Variants in GSE1 observed in about 807,000 individuals in gnomAD.
GSE1 encodes Gse1 coiled-coil protein.
A neutral mutation model predicts 112.6 loss-of-function variants in GSE1; 32 were observed. The observed-to-expected ratio is 0.28, with a 90% CI of 0.21 to 0.38. GSE1 has a LOEUF of 0.38. Ranked by LOEUF, GSE1 falls within the 10% of genes least tolerant of loss-of-function variation. GSE1 has a pLI of 1.00. For synonymous variants in GSE1, 1,115 were observed against 735.6 expected (o/e 1.52, Z -8.35); for missense variants, 2,348 against 1,699.2 (o/e 1.38, Z -6.71).
intron 1 of GSE1, among the ~76,000 whole-genome samples, chr16:85,237,462 C>G (rs1362124957): frequency 1.3e-5 from 2 of 152,086 alleles, no homozygotes; most frequent in Non-Finnish European, 2.9e-5. Context: ...GGGCTACAGT[C>G]CTGGGAGGGA....
Position 85,170,295 on chromosome 16 carries a change from G to C in GSE1, c.771G>C (p.Lys257Asn), listed in dbSNP as rs1002067511. 10 of 985,496 alleles carry C rather than the reference G, an allele frequency of 1.0e-5. No homozygotes were observed. The African/African-American group carries it at 1.7e-4, about 17-fold the overall frequency. 61.0% of individuals were successfully genotyped at this position (985,496 alleles called of 1,614,324 possible). A position where few individuals can be genotyped will look rare whatever the true frequency, so the allele number is the denominator to read the frequency against. ...AGTCCGGGGTTAGGCGCCGGCGGAA[G>C]GGGGTTGGGAGGCACTGGGTTCCCG... Residue 257 changes from lysine to asparagine, a missense_variant, in exon 1 of 3, where the codon AAG becomes AAC. Coordinates refer to the GSE1 transcript ENST00000637419.
chr16:85,644,114 G>T (rs1375343669), intron 2 of GSE1, among the ~76,000 whole-genome samples: 1 of 151,974 alleles, frequency 6.6e-6, no homozygotes, highest in Non-Finnish European at 1.5e-5. Context: ...GATCGCTTGA[G>T]CCCAGGAGTT....
At chr16:85,382,759 ACATGTATGCACACC>A (rs2047577145) in intron 2 of GSE1, among the ~76,000 whole-genome samples, 1 of 151,688 alleles carries the variant, frequency 6.6e-6, no homozygotes, top group Non-Finnish European at 1.5e-5. Flanking sequence ...ATGTGCACAC[ACATGTATGCACACC>A]CATGCATGCA....
At chr16:85,665,547 C>G (rs2052775051) in intron 12 of GSE1, among the ~76,000 whole-genome samples, 1 of 152,022 alleles carries the variant, frequency 6.6e-6, no homozygotes, top group Non-Finnish European at 1.5e-5. Flanking sequence ...CTTCCTCACT[C>G]TGCCCTCTGG....
intron 1 of GSE1, among the ~76,000 whole-genome samples, chr16:85,207,273 C>G (rs2075135230): frequency 6.6e-6 from 1 of 152,246 alleles, no homozygotes; most frequent in African/African-American, 2.4e-5. Context: ...GCCCCTCACT[C>G]AGGCTCCGCT....
chr16:85,614,489 G>A (rs1451763585), intron 1 of GSE1, among the ~76,000 whole-genome samples: 1 of 152,192 alleles, frequency 6.6e-6, no homozygotes, highest in Non-Finnish European at 1.5e-5. Context: ...GAGACTCGAG[G>A]CGCAGGCCAT....
At chr16:85,453,990 G>T (rs1273072059) in intron 2 of GSE1, among the ~76,000 whole-genome samples, 1 of 152,150 alleles carries the variant, frequency 6.6e-6, no homozygotes, top group African/African-American at 2.4e-5. Context: ...CCAGGAAGGA[G>T]ACTTGGGGGC....
At chr16:85,254,768 G>A (rs1310145615) in intron 1 of GSE1, among the ~76,000 whole-genome samples, 5 of 152,224 alleles carry the variant, frequency 3.3e-5, no homozygotes, top group Non-Finnish European at 7.3e-5. Flanking sequence ...AGGGAAGGAC[G>A]CAGGCAGAGG....
chr16:85,261,426 A>C (rs144056238), intron 1 of GSE1, among the ~76,000 whole-genome samples: 4 of 152,372 alleles, frequency 2.6e-5, no homozygotes, highest in African/African-American at 9.6e-5. Flanking sequence ...GCAAGGGCTC[A>C]GCCAGGTAGG....
chr16:85,260,715 C>T (rs941088659), intron 1 of GSE1, among the ~76,000 whole-genome samples: 13 of 152,264 alleles, frequency 8.5e-5, no homozygotes, highest in African/African-American at 2.9e-4. Flanking sequence ...GCCCCCCGTG[C>T]TCCCTACTCC....
At chr16:85,195,097 C>T (rs540551720) in intron 1 of GSE1, among the ~76,000 whole-genome samples, 6 of 152,144 alleles carry the variant, frequency 3.9e-5, no homozygotes, top group Non-Finnish European at 5.9e-5. Context: ...CCTCTGCCTA[C>T]GTGTGAGGGG....
chr16:85,378,840 G>A (rs539682036), intron 2 of GSE1, among the ~76,000 whole-genome samples: 5 of 152,262 alleles, frequency 3.3e-5, no homozygotes, highest in South Asian at 2.1e-4. Context: ...GTCTCCTCCC[G>A]GCTCTGCTGT....
At chr16:85,486,560 T>A (rs1278188847) in intron 2 of GSE1, among the ~76,000 whole-genome samples, 8 of 152,234 alleles carry the variant, frequency 5.3e-5, no homozygotes, top group Non-Finnish European at 8.8e-5. Flanking sequence ...GATAAGGCCT[T>A]GCCTCTGTGT....
exon 1 of GSE1, chr16:85,170,464 C>A: frequency 1.0e-6 from 1 of 985,636 alleles, no homozygotes; most frequent in Non-Finnish European, 1.2e-6. Flanking sequence ...GGAGACCCTA[C>A]GGGGCTTCTG....
At chr16:85,565,228 A>G (rs2045690522) in intron 1 of GSE1, among the ~76,000 whole-genome samples, 1 of 151,968 alleles carries the variant, frequency 6.6e-6, no homozygotes, top group Admixed American at 6.6e-5. Flanking sequence ...CGTCTCTACT[A>G]AAAATACAAA....
chr16:85,532,640 C>T (rs565419497), intron 2 of GSE1, among the ~76,000 whole-genome samples: 1 of 152,254 alleles, frequency 6.6e-6, no homozygotes, highest in East Asian at 1.9e-4. Flanking sequence ...CTCCCACCGC[C>T]CCGCACTGTT....
intron 1 of GSE1, among the ~76,000 whole-genome samples, chr16:85,596,506 A>T (rs2047232824): frequency 6.6e-6 from 1 of 152,240 alleles, no homozygotes; most frequent in Admixed American, 6.5e-5. Flanking sequence ...AAGCCCACAT[A>T]CACCTCACAG....
intron 2 of GSE1, among the ~76,000 whole-genome samples, chr16:85,643,769 T>A (rs2050632910): frequency 1.3e-5 from 2 of 152,070 alleles, no homozygotes; most frequent in Admixed American, 6.5e-5. Flanking sequence ...AAGCTCCTGC[T>A]CCCAGCTCCC....
chr16:85,530,301 ATTATG>A (rs1173236268), intron 2 of GSE1, among the ~76,000 whole-genome samples: 1 of 152,230 alleles, frequency 6.6e-6, no homozygotes, highest in Non-Finnish European at 1.5e-5. Context: ...TCAGAAAGGA[ATTATG>A]TTAGCCAGAG....
Sources: gnomAD v4.1 joint callset for allele counts (sites outside exome capture counted in the v4.1 genomes callset) on GRCh38, gnomAD v4.1.1 for gene constraint, MANE v1.5 for transcripts, NCBI Gene and HGNC (gene_info 2026-07-23, HGNC 2026-07-21) for gene names.